CYP46A1: variants seen among roughly 807,000 people sequenced by gnomAD.
CYP46A1 encodes cholesterol 24-hydroxylase.
A neutral mutation model predicts 63.3 loss-of-function variants in CYP46A1; 20 were observed. The observed-to-expected ratio is 0.32, with a 90% CI of 0.22 to 0.46. The LOEUF is 0.46. CYP46A1 is among the 20% of genes least tolerant of loss of function. The pLI is 1.00. For synonymous variants in CYP46A1, 268 were observed against 273.6 expected (o/e 0.98, Z 0.20); for missense variants, 445 against 670.8 (o/e 0.66, Z 3.72).
intron 5 of CYP46A1, among the ~76,000 whole-genome samples, chr14:99,701,669 C>A (rs34315028): frequency 0.29 from 44,305 of 152,082 alleles, 7,201 homozygotes; most frequent in South Asian, 0.39. Flanking sequence ...AATTCACATA[C>A]CATACAGCTC....
At chr14:99,723,614 G>GC (rs1277533006) in intron 12 of CYP46A1, among the ~76,000 whole-genome samples, 1 of 152,156 alleles carries the variant, frequency 6.6e-6, no homozygotes, top group African/African-American at 2.4e-5. Context: ...CAGCCCTAGA[G>GC]CTTTCTTTTA....
In CYP46A1 at chr14:99,722,011, T is replaced by C; in HGVS notation, c.1121T>C (p.Leu374Pro). Residue 374 changes from leucine (L) to proline (P), a missense_variant, in exon 12 of 15, where the codon CTG becomes CCG. Transcript: ENST00000261835. The surrounding 1 kb of genome is among the most constrained non-coding windows in gnomAD (Gnocchi z 4.6). The stretch of plus-strand genomic sequence containing the variant: ...CCAGCATGGGGCACCTTTCGCCTGC[T>C]GGAAGAGGAGACCTTGATTGATGGG... Reference protein sequence around the residue: ...YPPAWGTFRLLEEETLIDGVR... With the variant: ...YPPAWGTFRLPEEETLIDGVR... 6.2e-7 allele frequency: 1 copy of C among 1,613,662 alleles called. No individual in the cohort carries two copies. The highest frequency in any genetic ancestry group is 8.5e-7 in the Non-Finnish European group (1 of 1,179,864).
intron 6 of CYP46A1, 62 bp downstream of exon 6, chr14:99,706,847 T>A: frequency 1.3e-6 from 2 of 1,559,944 alleles, no homozygotes; most frequent in Non-Finnish European, 1.7e-6. Flanking sequence ...GGGTCTCTTC[T>A]CTCCCTCTTC....
Position 99,684,499 on chromosome 14 carries a change from A to G in CYP46A1, c.82A>G (p.Ser28Gly). Residue 28 changes from serine to glycine, a missense_variant, in exon 1 of 15, where the codon AGC (serine) becomes GGC (glycine). This residue lies in a region of CYP46A1 where 252 missense variants were observed against 383.3 expected (regional missense o/e 0.66). Transcript: ENST00000261835. ...LCCTFVHRAR[S>G]RYEHIPGPPR... ...CTGCACCTTCGTGCACCGCGCTCGC[A>G]GCCGCTACGAGCACATCCCCGGGCC... The G allele has an allele frequency of 6.8e-7, 1 of 1,478,604 alleles. No individual in the cohort carries two copies. 91.6% of individuals were successfully genotyped at this position (1,478,604 alleles called of 1,614,324 possible).
chr14:99,701,712 G>A (rs1453451657), intron 5 of CYP46A1, among the ~76,000 whole-genome samples: 1 of 152,144 alleles, frequency 6.6e-6, no homozygotes, highest in African/African-American at 2.4e-5. Context: ...AATGGCGTTG[G>A]TATATTCATA....
chr14:99,713,887 A>AAAAAAC (rs2056762425), intron 7 of CYP46A1, among the ~76,000 whole-genome samples: 1 of 146,326 alleles, frequency 6.8e-6, no homozygotes. Flanking sequence ...AAAAAAAAAA[A>AAAAAAC]AAAGACGTGT....
In CYP46A1 at chr14:99,725,020, G is replaced by A. The variant is rs908633639; in HGVS notation, c.1177-371G>A. On this transcript the variant is annotated intron_variant, in intron 12 of 14. Coordinates refer to ENST00000261835, the MANE Select transcript of CYP46A1 (RefSeq NM_006668.2). The surrounding 1 kb of genome is among the most constrained non-coding windows in gnomAD (Gnocchi z 4.2). ...AGAGGAAGTTGGCCTCACAGAGTCA[G>A]ATCTGAGTTTGAATCCCGGTTTGGC... 1.3e-5 allele frequency among the ~76,000 whole-genome samples: 2 copies of A among 152,198 alleles called. No individual in the cohort carries two copies. The highest frequency in any genetic ancestry group is 6.5e-5 in the Admixed American group (1 of 15,288).
intron 3 of CYP46A1, chr14:99,693,201 G>A (rs1323285889): frequency 1.3e-5 from 2 of 152,998 alleles, no homozygotes; most frequent in African/African-American, 4.8e-5. Context: ...TGCAATGGAG[G>A]GTGGCTGTGG....
intron 12 of CYP46A1, among the ~76,000 whole-genome samples, chr14:99,723,330 A>G (rs1330250507): frequency 1.3e-5 from 2 of 152,188 alleles, no homozygotes; most frequent in Non-Finnish European, 1.5e-5. Flanking sequence ...TTGTTTTTAA[A>G]TAGAGTCTTG....
chr14:99,684,320 G>T lies in CYP46A1; in HGVS notation c.-98G>T, dbSNP rs1202092661. ...GCTGGGTCGCGCCTGGCCTGGGGCC[G>T]AGGCGGCGCGCGGCGCTGACAGCTG... On this transcript the variant is annotated 5_prime_UTR_variant, in exon 1 of 15. Transcript: ENST00000261835. 1 of 655,646 alleles carries T rather than the reference G, an allele frequency of 1.5e-6. No individual in the cohort carries two copies. Among genetic ancestry groups the T allele is most frequent in the Non-Finnish European group, 2.1e-6 (1 of 481,888 alleles). 40.6% of individuals were successfully genotyped at this position (655,646 alleles called of 1,614,324 possible). A position where few individuals can be genotyped will look rare whatever the true frequency, so the allele number is the denominator to read the frequency against.
intron 7 of CYP46A1, among the ~76,000 whole-genome samples, chr14:99,714,032 CA>C (rs927398925): frequency 1.3e-5 from 2 of 151,434 alleles, no homozygotes; most frequent in Admixed American, 6.6e-5. Context: ...AACACAACAG[CA>C]AAAAAAAGAA....
At position 99,691,925 on chromosome 14, in the gene CYP46A1, C is replaced by G; in HGVS notation, c.282+64C>G. 2.0e-6 allele frequency: 3 copies of G among 1,516,668 alleles called. No individual in the cohort carries two copies. In the South Asian group the frequency reaches 3.4e-5, roughly 17 times the overall value. The allele number at this position is 1,516,668 out of a possible 1,614,324, so 94.0% of individuals were successfully genotyped here. On this transcript the variant is annotated intron_variant, in intron 3 of 14. Transcript: ENST00000261835. ...CTTTCCTTGGGTTGGGGGAGTGAAGCCTGGTCCCAGAGACTTTGGATGAAT... is the reference window on the plus strand; with the variant it reads ...CTTTCCTTGGGTTGGGGGAGTGAAGGCTGGTCCCAGAGACTTTGGATGAAT...
At chr14:99,718,883 C>T (rs1043636996) in intron 10 of CYP46A1, among the ~76,000 whole-genome samples, 5 of 152,066 alleles carry the variant, frequency 3.3e-5, no homozygotes, top group Non-Finnish European at 5.9e-5. Flanking sequence ...TTGGGAAAAG[C>T]AGAAAAGCTA....
intron 5 of CYP46A1, among the ~76,000 whole-genome samples, chr14:99,702,674 A>G (rs1463374516): frequency 1.3e-5 from 2 of 152,088 alleles, no homozygotes; most frequent in African/African-American, 4.8e-5. Flanking sequence ...ATGTAAATAT[A>G]TTTATCACTG....
At chr14:99,688,008 C>T (rs1386251656) in intron 1 of CYP46A1, among the ~76,000 whole-genome samples, 1 of 151,756 alleles carries the variant, frequency 6.6e-6, no homozygotes, top group Non-Finnish European at 1.5e-5. Context: ...TCTTGGTGGG[C>T]CATGAGGACC....
intron 7 of CYP46A1, chr14:99,709,493 C>A (rs1043908562): frequency 6.6e-6 from 1 of 151,926 alleles, no homozygotes; most frequent in South Asian, 2.1e-4. Flanking sequence ...TTGAAGCAAC[C>A]CAATCAGACC....
chr14:99,700,853 T>G (rs4905880), intron 5 of CYP46A1, among the ~76,000 whole-genome samples: 46,632 of 152,040 alleles, frequency 0.31, 7,295 homozygotes, highest in Middle Eastern at 0.37. Flanking sequence ...GAAGGCATTA[T>G]TATCATAGGA....
chr14:99,688,517 G>A (rs1234322728), intron 1 of CYP46A1, among the ~76,000 whole-genome samples: 5 of 152,118 alleles, frequency 3.3e-5, no homozygotes, highest in Non-Finnish European at 7.4e-5. Context: ...CAGCTGTTCC[G>A]GGAGGGTAGC....
At chr14:99,721,639 G>C (rs1298278229) in intron 11 of CYP46A1, among the ~76,000 whole-genome samples, 1 of 152,112 alleles carries the variant, frequency 6.6e-6, no homozygotes, top group Admixed American at 6.5e-5. Context: ...GCTCAGCAGC[G>C]CCTCTCCATG....
Sources: gnomAD v4.1 joint callset for allele counts (sites outside exome capture counted in the v4.1 genomes callset) on GRCh38, gnomAD v4.1.1 for gene constraint, gnomAD v4.1.1 regional missense constraint, Gnocchi (gnomAD v3.1) non-coding constraint, MANE v1.5 for transcripts, NCBI Gene and HGNC (gene_info 2026-07-23, HGNC 2026-07-21) for gene names.